The following RSBN1 variants were observed in gnomAD, a reference collection of about 807,000 sequenced individuals.
The protein encoded by RSBN1 is round spermatid basic protein 1, also known as lysine-specific demethylase 9.
RSBN1 carries 23 observed loss-of-function variants against 74.8 expected under a neutral mutation model. The ratio of observed to expected loss-of-function variants is 0.31; its 90% CI spans 0.22 to 0.44. The LOEUF (loss-of-function observed/expected upper bound fraction) is 0.44, where lower values mean the gene tolerates loss of function less well. Among genes scored for constraint, RSBN1 ranks in the 20% least tolerant of loss-of-function variants. The pLI is 1.00. For synonymous variants in RSBN1, 407 were observed against 379.6 expected (o/e 1.07, Z -0.84); for missense variants, 808 against 1,020.9 (o/e 0.79, Z 2.84).
chr1:113,803,989 T>C (rs935624159), intron 1 of RSBN1, among the ~76,000 whole-genome samples: 2 of 151,036 alleles, frequency 1.3e-5, no homozygotes, highest in Non-Finnish European at 2.9e-5. Flanking sequence ...TGCATGCCTG[T>C]AGTCCTAGCT....
At chr1:113,779,428 A>C (rs1660093277) in intron 2 of RSBN1, among the ~76,000 whole-genome samples, 1 of 152,178 alleles carries the variant, frequency 6.6e-6, no homozygotes, top group South Asian at 2.1e-4. Context: ...ATTCCTTACA[A>C]ATCCTCCCCC....
At chr1:113,789,085 T>A (rs1257439510) in intron 2 of RSBN1, among the ~76,000 whole-genome samples, 1 of 152,124 alleles carries the variant, frequency 6.6e-6, no homozygotes, top group Non-Finnish European at 1.5e-5. Flanking sequence ...TGTATGCTAA[T>A]ATTGACTAAC....
At chr1:113,766,481 C>G (rs577484400) in intron 6 of RSBN1, 28 bp from the exon 7 acceptor site, 7 of 1,404,234 alleles carry the variant, frequency 5.0e-6, no homozygotes, top group Admixed American at 3.9e-5. Context: ...TTACGTGAGA[C>G]TTTAAAATAT....
At chr1:113,784,711 T>A (rs1023664479) in intron 2 of RSBN1, among the ~76,000 whole-genome samples, 2 of 152,204 alleles carry the variant, frequency 1.3e-5, no homozygotes, top group Non-Finnish European at 2.9e-5. Context: ...CAGCCAGGTT[T>A]TTAACAGGCC....
intron 2 of RSBN1, among the ~76,000 whole-genome samples, chr1:113,792,557 A>C (rs1660387956): frequency 6.6e-6 from 1 of 152,190 alleles, no homozygotes; most frequent in Non-Finnish European, 1.5e-5. Context: ...TTTTTAAATT[A>C]GCCAATTGTA....
At chr1:113,771,705 C>T (rs1466152643) in intron 4 of RSBN1, among the ~76,000 whole-genome samples, 1 of 149,784 alleles carries the variant, frequency 6.7e-6, no homozygotes, top group Non-Finnish European at 1.5e-5. Context: ...TTAACTCTAA[C>T]CCTATAAGCA....
intron 1 of RSBN1, among the ~76,000 whole-genome samples, chr1:113,799,565 TACACACACACACACACACACACAC>T (rs66958734): frequency 7.0e-6 from 1 of 141,974 alleles, no homozygotes; most frequent in African/African-American, 2.6e-5. Flanking sequence ...ATAGATGCTT[TACACACACACACACACACACACAC>T]ACACACACAC....
Position 113,764,474 on chromosome 1 carries a change from A to C in RSBN1, c.*1506T>G, listed in dbSNP as rs1264753548. ...TCTATACTTTGCTAATATGCATTTAACTACACAACAATATTGCACAAAGTA... is the reference window on the plus strand; with the variant it reads ...TCTATACTTTGCTAATATGCATTTACCTACACAACAATATTGCACAAAGTA... On this transcript the variant is annotated 3_prime_UTR_variant, in exon 7 of 7. Transcript: ENST00000261441. 6.6e-6 allele frequency: 1 copy of C among 152,654 alleles called. No individual in the cohort carries two copies. The highest frequency in any genetic ancestry group is 2.4e-5 in the African/African-American group (1 of 41,446). 9.5% of individuals were successfully genotyped at this position (152,654 alleles called of 1,614,324 possible). A position where few individuals can be genotyped will look rare whatever the true frequency, so the allele number is the denominator to read the frequency against.
Position 113,812,440 on chromosome 1 carries a change from TCCGCAGG to T in RSBN1, c.-35_-29del. The stretch of plus-strand genomic sequence containing the variant: ...CGGAAGCGGCCGTTCCCAGCTTTTC[TCCGCAGG>T]CCTCTCCAACCGAGCTTCTATTGTA... On this transcript the variant is annotated 5_prime_UTR_variant, in exon 1 of 7. Transcript: ENST00000261441. 6.4e-7 allele frequency: 1 copy of T among 1,555,038 alleles called. No individual in the cohort carries two copies. The highest frequency in any genetic ancestry group is 2.3e-5 in the East Asian group (1 of 43,244).
At position 113,777,819 on chromosome 1, in the gene RSBN1, A is replaced by G. The variant is rs1660060478; in HGVS notation, c.1378-11T>C. On this transcript the variant is annotated splice_polypyrimidine_tract_variant and intron_variant, in intron 2 of 6. Coordinates refer to ENST00000261441, the MANE Select transcript of RSBN1 (RefSeq NM_018364.5). ...GTATGTCCTGTTGACCTAAGATAAA[A>G]CAAAAGAGGGAAAAATGGACTGAGG... 4 of 1,536,216 alleles carry G rather than the reference A, an allele frequency of 2.6e-6. No homozygotes were observed. The highest frequency in any genetic ancestry group is 1.7e-4 in the Middle Eastern group (1 of 5,764).
At chr1:113,789,017 C>A (rs1483218233) in intron 2 of RSBN1, among the ~76,000 whole-genome samples, 1 of 152,128 alleles carries the variant, frequency 6.6e-6, no homozygotes, top group Non-Finnish European at 1.5e-5. Flanking sequence ...TGGTCTTCAT[C>A]CCTATTTCCT....
intron 2 of RSBN1, among the ~76,000 whole-genome samples, chr1:113,789,085 T>C (rs1257439510): frequency 6.6e-6 from 1 of 152,124 alleles, no homozygotes; most frequent in Non-Finnish European, 1.5e-5. Flanking sequence ...TGTATGCTAA[T>C]ATTGACTAAC....
Position 113,777,761 on chromosome 1 carries a change from C to A in RSBN1, c.1425G>T (p.Arg475=), listed in dbSNP as rs754177476. 1.1e-5 allele frequency: 17 copies of A among 1,609,478 alleles called. No individual in the cohort carries two copies. The highest frequency in any genetic ancestry group is 1.6e-4 in the Middle Eastern group (1 of 6,064). ...CCGTYRAGPM[R]QISLVGAVDE... is the part of the protein sequence containing the mutation. ...CTACTGCTCCAACGAGACTTATCTG[C>A]CGCATAGGACCTGCTCGGTAGGTGC... Residue 475 remains arginine (R), a synonymous_variant, in exon 3 of 7, where the codon CGG becomes CGT. Transcript: ENST00000261441.
chr1:113,780,951 G>GT (rs1256705624), intron 2 of RSBN1, among the ~76,000 whole-genome samples: 1 of 152,014 alleles, frequency 6.6e-6, no homozygotes, highest in Non-Finnish European at 1.5e-5. Context: ...TGTGACCTAC[G>GT]TTTTTTTCTC....
chr1:113,766,021 G>T lies in RSBN1; in HGVS notation c.2368C>A (p.Gln790Lys), dbSNP rs752951127. 6.2e-7 allele frequency: 1 copy of T among 1,613,650 alleles called. No homozygotes were observed. Among genetic ancestry groups the T allele is most frequent in the Non-Finnish European group, 8.5e-7 (1 of 1,179,742 alleles). Reference sequence around the variant, plus strand: ...GAATGTTCTTGCAGATTGTGTTGCTGGTCAGAGTCCAGTCTACTTTCCACT... The same window carrying T: ...GAATGTTCTTGCAGATTGTGTTGCTTGTCAGAGTCCAGTCTACTTTCCACT... ...LKVESRLDSD[Q>K]QHNLQEHSTT... Residue 790 changes from glutamine (Q) to lysine (K), a missense_variant, in exon 7 of 7, where the codon CAG becomes AAG. Gln to Lys is a moderately conservative substitution (Grantham distance 53). This residue lies in a region of RSBN1 where 91 missense variants were observed against 99.6 expected (regional missense o/e 0.91). Transcript: ENST00000261441.
chr1:113,767,580 A>G (rs1313868245), intron 5 of RSBN1, among the ~76,000 whole-genome samples: 1 of 152,200 alleles, frequency 6.6e-6, no homozygotes, highest in Non-Finnish European at 1.5e-5. Flanking sequence ...TCAAAACATT[A>G]CAAATAGAAC....
rs76183893 is a variant in RSBN1, at chr1:113,764,867, TGAAAA to T, written c.*1108_*1112del. 17,546 of 152,162 alleles carry T rather than the reference TGAAAA, an allele frequency of 0.12. 1,116 individuals carry two copies. The highest frequency in any genetic ancestry group is 0.22 in the East Asian group (1,177 of 5,288). The allele number at this position is 152,162 out of a possible 1,614,324, so 9.4% of individuals were successfully genotyped here. ...ACTAGCAATGTGAACTGTGCCTGTT[TGAAAA>T]GAAAATTTAAATACTCAGGCACTAA... On this transcript the variant is annotated 3_prime_UTR_variant, in exon 7 of 7. Coordinates refer to ENST00000261441, the MANE Select transcript of RSBN1 (RefSeq NM_018364.5).
At position 113,812,332 on chromosome 1, in the gene RSBN1, C is replaced by A. The variant is rs774951420; in HGVS notation, c.81G>T (p.Ala27=). 6 of 1,603,580 alleles carry A rather than the reference C, an allele frequency of 3.7e-6. No homozygotes were observed. Among genetic ancestry groups the A allele is most frequent in the Non-Finnish European group, 8.5e-7 (1 of 1,179,658 alleles). ...RLQCPAGSAR[A]ALARCADGGA... is the part of the protein sequence containing the mutation. ...CCCCGTCCGCGCATCGCGCAAGCGC[C>A]GCCCGCGCACTGCCCGCTGGGCATT... Residue 27 remains alanine, a synonymous_variant, in exon 1 of 7, where the codon GCG becomes GCT. Coordinates refer to ENST00000261441, the MANE Select transcript of RSBN1 (RefSeq NM_018364.5).
At position 113,811,957 on chromosome 1, in the gene RSBN1, T is replaced by C; in HGVS notation, c.456A>G (p.Ala152=). The stretch of plus-strand genomic sequence containing the variant: ...GGGCAGCGACAGCGGGCCCGGCGGG[T>C]GCCAGCGAAGGTGGCGGCGGAGGCG... ...LLPPPPPPSL[A]PAGPAVAAPL... The change falls in exon 1 of 7, where the codon GCA becomes GCG. Residue 152 remains alanine, a synonymous_variant. Coordinates refer to ENST00000261441, the MANE Select transcript of RSBN1 (RefSeq NM_018364.5). 6.3e-7 allele frequency: 1 copy of C among 1,586,034 alleles called. No individual in the cohort carries two copies. The highest frequency in any genetic ancestry group is 1.8e-5 in the Admixed American group (1 of 55,728).
Sources: allele counts gnomAD v4.1 joint callset (sites outside exome capture counted in the v4.1 genomes callset), GRCh38; gene constraint gnomAD v4.1.1; regional missense constraint gnomAD v4.1.1; transcripts MANE v1.5; gene names NCBI Gene and HGNC (gene_info 2026-07-23, HGNC 2026-07-21).